Variants in KIAA0825 observed in about 807,000 individuals in gnomAD.
KIAA0825 encodes the protein KIAA0825.
A neutral mutation model predicts 147.6 loss-of-function variants in KIAA0825; 119 were observed. The observed-to-expected ratio is 0.81, with a 90% CI of 0.69 to 0.94. The LOEUF (loss-of-function observed/expected upper bound fraction) is 0.94, where lower values mean the gene tolerates loss of function less well. Among genes scored for constraint, KIAA0825 ranks in the 40% least tolerant of loss-of-function variants. The probability of loss-of-function intolerance (pLI) is 0.00; values close to 1 mark genes in which losing one functional copy is unlikely to be tolerated. For synonymous variants in KIAA0825, 470 were observed against 518.1 expected (o/e 0.91, Z 1.26); for missense variants, 1,381 against 1,472.7 (o/e 0.94, Z 1.02).
intron 20 of KIAA0825, among the ~76,000 whole-genome samples, chr5:94,178,352 G>A (rs991747107): frequency 4.2e-4 from 64 of 152,036 alleles, no homozygotes; most frequent in African/African-American, 1.5e-3. Context: ...AAATAAGGAG[G>A]AGATTGGGAA....
intron 2 of KIAA0825, among the ~76,000 whole-genome samples, chr5:94,550,711 G>A (rs1467240359): frequency 7.9e-5 from 12 of 151,960 alleles, no homozygotes; most frequent in Non-Finnish European, 1.6e-4. Flanking sequence ...GCATGGTGGC[G>A]GGTGCCTGTA....
At chr5:94,366,399 TG>T (rs1377628153) in intron 20 of KIAA0825, among the ~76,000 whole-genome samples, 1 of 152,104 alleles carries the variant, frequency 6.6e-6, no homozygotes, top group Admixed American at 6.5e-5. Flanking sequence ...GAGACTGCTC[TG>T]GGTAGCCCCT....
intron 20 of KIAA0825, among the ~76,000 whole-genome samples, chr5:94,258,575 T>C (rs1305678834): frequency 6.6e-6 from 1 of 151,978 alleles, no homozygotes; most frequent in East Asian, 1.9e-4. Flanking sequence ...TACACTTATA[T>C]ATAAAGGAGT....
intron 20 of KIAA0825, among the ~76,000 whole-genome samples, chr5:94,299,079 T>G (rs1352258075): frequency 6.6e-6 from 1 of 152,166 alleles, no homozygotes; most frequent in Non-Finnish European, 1.5e-5. Flanking sequence ...TTATTTTTTT[T>G]GTTTCCATTC....
chr5:94,235,454 A>G (rs1179150054), intron 20 of KIAA0825, among the ~76,000 whole-genome samples: 1 of 152,240 alleles, frequency 6.6e-6, no homozygotes, highest in Non-Finnish European at 1.5e-5. Flanking sequence ...GTCTGAAGGT[A>G]GCAGAACTTG....
At chr5:94,182,146 A>G (rs1378055279) in intron 20 of KIAA0825, among the ~76,000 whole-genome samples, 1 of 151,166 alleles carries the variant, frequency 6.6e-6, no homozygotes, top group Non-Finnish European at 1.5e-5. Flanking sequence ...CGCACCCTAT[A>G]GACAATGCAG....
At chr5:94,378,963 C>G (rs1747985849) in intron 20 of KIAA0825, among the ~76,000 whole-genome samples, 1 of 151,918 alleles carries the variant, frequency 6.6e-6, no homozygotes, top group Non-Finnish European at 1.5e-5. Flanking sequence ...TTGCTTTTTG[C>G]TTGTTGATTT....
At chr5:94,166,224 G>A (rs1357084140) in intron 20 of KIAA0825, among the ~76,000 whole-genome samples, 2 of 152,140 alleles carry the variant, frequency 1.3e-5, no homozygotes, top group African/African-American at 4.8e-5. Context: ...AGCTGAATAT[G>A]GTTTTGTCCT....
chr5:94,284,041 A>G (rs1490822842), intron 20 of KIAA0825, among the ~76,000 whole-genome samples: 1 of 152,182 alleles, frequency 6.6e-6, no homozygotes, highest in Non-Finnish European at 1.5e-5. Context: ...TGGATCTGAC[A>G]TAAAGAAAAT....
At chr5:94,190,315 TTTTG>T (rs376464492) in intron 20 of KIAA0825, among the ~76,000 whole-genome samples, 18 of 151,974 alleles carry the variant, frequency 1.2e-4, no homozygotes, top group South Asian at 2.1e-4. Context: ...ATACGATGTT[TTTTG>T]TTTGTTTGTT....
At chr5:94,357,849 A>G (rs145512140) in intron 20 of KIAA0825, among the ~76,000 whole-genome samples, 38 of 152,306 alleles carry the variant, frequency 2.5e-4, no homozygotes, top group Middle Eastern at 6.8e-3. Flanking sequence ...AAAACTAGAC[A>G]AAAGACGTAT....
At chr5:94,387,412 AGCTGGGT>A (rs1749305469) in intron 18 of KIAA0825, among the ~76,000 whole-genome samples, 1 of 152,100 alleles carries the variant, frequency 6.6e-6, no homozygotes, top group Admixed American at 6.6e-5. Flanking sequence ...GAGCATTCCC[AGCTGGGT>A]GCAGTGGTTC....
intron 20 of KIAA0825, among the ~76,000 whole-genome samples, chr5:94,315,568 A>G (rs964454208): frequency 2.0e-5 from 3 of 151,732 alleles, no homozygotes; most frequent in African/African-American, 4.8e-5. Context: ...TCATCTTACA[A>G]TAGCTTTCAA....
At chr5:94,478,451 T>TCACACA (rs6149119) in intron 6 of KIAA0825, among the ~76,000 whole-genome samples, 1,950 of 146,242 alleles carry the variant, frequency 0.013, 21 homozygotes, top group Non-Finnish European at 0.018. Flanking sequence ...CACATGTGCA[T>TCACACA]CACACACACA....
intron 20 of KIAA0825, among the ~76,000 whole-genome samples, chr5:94,169,036 G>T (rs1404033089): frequency 6.6e-6 from 1 of 152,102 alleles, no homozygotes; most frequent in African/African-American, 2.4e-5. Flanking sequence ...AAAAATTGAG[G>T]GTGATTTTAC....
At chr5:94,392,171 G>C (rs552303164) in intron 17 of KIAA0825, among the ~76,000 whole-genome samples, 70 of 152,266 alleles carry the variant, frequency 4.6e-4, no homozygotes, top group African/African-American at 1.6e-3. Context: ...TGTCAAAAGG[G>C]GGAGCCTATT....
intron 1 of KIAA0825, among the ~76,000 whole-genome samples, chr5:94,589,234 T>A (rs1368233950): frequency 6.6e-6 from 1 of 152,172 alleles, no homozygotes; most frequent in South Asian, 2.1e-4. Flanking sequence ...TTAAGTTGAT[T>A]TGGGGTTGGG....
At chr5:94,558,612 C>T (rs114046199) in intron 2 of KIAA0825, among the ~76,000 whole-genome samples, 1,995 of 152,276 alleles carry the variant, frequency 0.013, 43 homozygotes, top group African/African-American at 0.045. Context: ...CCCATATCTG[C>T]CATTAAACAC....
At chr5:94,507,960 T>C (rs1446016162) in intron 5 of KIAA0825, among the ~76,000 whole-genome samples, 2 of 152,224 alleles carry the variant, frequency 1.3e-5, no homozygotes, top group East Asian at 3.8e-4. Context: ...GTGATGCCAA[T>C]AACTATTGTA....
Sources: gnomAD v4.1 joint callset for allele counts (sites outside exome capture counted in the v4.1 genomes callset) on GRCh38, gnomAD v4.1.1 for gene constraint, MANE v1.5 for transcripts, NCBI Gene and HGNC (gene_info 2026-07-23, HGNC 2026-07-21) for gene names.